The following MOSPD3 variants were observed in gnomAD, a reference collection of about 807,000 sequenced individuals.
MOSPD3 encodes the protein motile sperm domain containing 3.
In MOSPD3, 20 loss-of-function variants were observed where a neutral mutation model predicts 23.3. The observed-to-expected ratio is 0.86, with a 90% CI of 0.61 to 1.25. The LOEUF is 1.25. Among genes scored for constraint, MOSPD3 ranks in the 50% most tolerant of loss-of-function variants. The pLI is 0.00. For missense variants in MOSPD3, 307 were observed against 315.7 expected (o/e 0.97, Z 0.21); for synonymous variants, 136 against 135.2 (o/e 1.01, Z -0.04).
At position 100,613,526 on chromosome 7, in the gene MOSPD3, C is replaced by G; in HGVS notation, c.331C>G (p.Arg111Gly). The G allele has an allele frequency of 6.2e-7, 1 of 1,614,184 alleles. No individual in the cohort carries two copies. Among genetic ancestry groups the G allele is most frequent in the Non-Finnish European group, 8.5e-7 (1 of 1,180,032 alleles). Residue 111 changes from arginine to glycine, a missense_variant, in exon 3 of 5, where the codon CGC (arginine) becomes GGC (glycine). Coordinates refer to ENST00000393950, the MANE Select transcript of MOSPD3 (RefSeq NM_023948.5). The part of the protein sequence containing the change: ...PIPSHYDVQD[R>G]FRIELSEEGA... ...TCCCAGCCACTATGATGTCCAGGAC[C>G]GCTTCCGCATTGAGCTGTCTGAGGA...
rs770042148 is a variant in MOSPD3, at chr7:100,613,471, G to A, written c.282-6G>A. On this transcript the variant is annotated splice_region_variant and splice_polypyrimidine_tract_variant and intron_variant, in intron 2 of 4. Transcript: ENST00000393950. ...CCAATGGGCTTCTCTCCTACCTTGGGACCAGTGTGATTCGCCATGTGGCAC... is the reference window on the plus strand; with the variant it reads ...CCAATGGGCTTCTCTCCTACCTTGGAACCAGTGTGATTCGCCATGTGGCAC... The A allele has an allele frequency of 1.2e-6, 2 of 1,614,026 alleles. No individual in the cohort carries two copies. The highest frequency in any genetic ancestry group is 2.2e-5 in the South Asian group (2 of 91,070).
chr7:100,612,774 C>A lies in MOSPD3; in HGVS notation c.-18C>A. The A allele has an allele frequency of 6.4e-7, 1 of 1,553,652 alleles. No homozygotes were observed. On this transcript the variant is annotated 5_prime_UTR_variant, in exon 1 of 5. Coordinates refer to ENST00000393950, the MANE Select transcript of MOSPD3 (RefSeq NM_023948.5). ...CCCCTGAGCTCTGCCCTCGGATGTCCGACCGCCCAGAGCCTGCATGCGCCG... is the reference window on the plus strand; with the variant it reads ...CCCCTGAGCTCTGCCCTCGGATGTCAGACCGCCCAGAGCCTGCATGCGCCG...
intron 3 of MOSPD3, 36 bp from the exon 4 acceptor site, chr7:100,614,831 T>A: frequency 1.9e-6 from 3 of 1,586,786 alleles, no homozygotes; most frequent in Non-Finnish European, 2.6e-6. Flanking sequence ...TGGGCAGGAG[T>A]GGGGGCTGCA....
At position 100,615,333 on chromosome 7, in the gene MOSPD3, GTAC is replaced by G. The variant is rs1162823136; in HGVS notation, c.*152_*154del. 8 of 642,750 alleles carry G rather than the reference GTAC, an allele frequency of 1.2e-5. No homozygotes were observed. Among genetic ancestry groups the G allele is most frequent in the Admixed American group, 3.3e-5 (1 of 30,094 alleles). The allele number at this position is 642,750 out of a possible 1,614,324, so 39.8% of individuals were successfully genotyped here. A position where few individuals can be genotyped will look rare whatever the true frequency, so the allele number is the denominator to read the frequency against. On this transcript the variant is annotated 3_prime_UTR_variant, in exon 5 of 5. Transcript: ENST00000393950. ...CCTGACAAAAAACACCCAGGGATTT[GTAC>G]TCATTTTCCAAGTTGAATAAAATAC...
At chr7:100,614,172 A>G (rs561536663) in intron 3 of MOSPD3, among the ~76,000 whole-genome samples, 10 of 152,308 alleles carry the variant, frequency 6.6e-5, no homozygotes, top group Admixed American at 5.9e-4. Flanking sequence ...GGAGGGCAGT[A>G]AAAAGTAGAT....
At chr7:100,614,235 G>T (rs1221501065) in intron 3 of MOSPD3, among the ~76,000 whole-genome samples, 2 of 152,032 alleles carry the variant, frequency 1.3e-5, no homozygotes. Flanking sequence ...AGGCTGAGGT[G>T]GGCTGATAAC....
Position 100,615,241 on chromosome 7 carries a change from C to T in MOSPD3, c.*58C>T. 6.5e-7 allele frequency: 1 copy of T among 1,536,570 alleles called. No homozygotes were observed. Among genetic ancestry groups the T allele is most frequent in the Non-Finnish European group, 8.9e-7 (1 of 1,117,946 alleles). On this transcript the variant is annotated 3_prime_UTR_variant, in exon 5 of 5. Coordinates refer to ENST00000393950, the MANE Select transcript of MOSPD3 (RefSeq NM_023948.5). Reference sequence around the variant, plus strand: ...TCCCTGGGCAGGGTCTTGAGGCAGCCACTGTGATGCTCATACCTTACCTTG... The same window carrying T: ...TCCCTGGGCAGGGTCTTGAGGCAGCTACTGTGATGCTCATACCTTACCTTG...
At chr7:100,613,362 T>G in intron 2 of MOSPD3, 93 bp downstream of exon 2, 1 of 1,546,822 alleles carries the variant, frequency 6.5e-7, no homozygotes, top group Admixed American at 1.7e-5. Context: ...CTTTAACCTA[T>G]TTGCCCTATC....
At chr7:100,612,468 G>A (rs1226770793), upstream of MOSPD3, 2 of 229,196 alleles carry the variant, frequency 8.7e-6, no homozygotes, top group Admixed American at 5.4e-5. Context: ...CGGGGCTTAT[G>A]GAGATCGTGA....
intron 3 of MOSPD3, 104 bp from the exon 4 acceptor site, chr7:100,614,763 T>TAA (rs202084428): frequency 3.6e-3 from 3,830 of 1,057,350 alleles, no homozygotes; most frequent in Non-Finnish European, 4.1e-3. Context: ...AAAAGATAAT[T>TAA]AAAAAAAAAA....
Position 100,615,023 on chromosome 7 carries a change from A to C in MOSPD3, c.668A>C (p.Tyr223Ser). 1 of 1,614,184 alleles carries C rather than the reference A, an allele frequency of 6.2e-7. No individual in the cohort carries two copies. Among genetic ancestry groups the C allele is most frequent in the South Asian group, 1.1e-5 (1 of 91,088 alleles). Reference sequence around the variant, plus strand: ...CTGGGACAAAAGTTGGTGGCCGCCTACGTCTTGGGTGAGGACAGTAGTGGC... The same window carrying C: ...CTGGGACAAAAGTTGGTGGCCGCCTCCGTCTTGGGTGAGGACAGTAGTGGC... ...VSLGQKLVAA[Y>S]VLGLLTMVFL... The change falls in exon 4 of 5, where the codon TAC becomes TCC. Residue 223 changes from tyrosine (Y) to serine (S), a missense_variant. Tyr to Ser is a moderately radical substitution (Grantham distance 144, BLOSUM62 -2). Coordinates refer to ENST00000393950, the MANE Select transcript of MOSPD3 (RefSeq NM_023948.5).
In MOSPD3 at chr7:100,614,967, C is replaced by T; in HGVS notation, c.612C>T (p.Gly204=). ...FLLLPLPDEL[G]SQLPQVLHVS... is the part of the protein sequence containing the mutation. ...TGCTCCCACTCCCGGACGAACTCGG[C>T]AGCCAGCTGCCTCAAGTCCTGCACG... Residue 204 remains glycine (G), a synonymous_variant, in exon 4 of 5, where the codon GGC becomes GGT. Transcript: ENST00000393950. 6.2e-7 allele frequency: 1 copy of T among 1,614,092 alleles called. No homozygotes were observed. Among genetic ancestry groups the T allele is most frequent in the Middle Eastern group, 1.6e-4 (1 of 6,062 alleles).
In MOSPD3 at chr7:100,612,852, T is replaced by C. The variant is rs1382946712; in HGVS notation, c.61T>C (p.Ser21Pro). ...GGGTCCGGGGCCCCCTGGGCGGGGG[T>C]CCCGGGGCGCCCCTCCTCCCTTGGG... is the stretch of plus-strand genomic sequence containing the variant. The part of the protein sequence containing the change: ...LVGPGPPGRG[S>P]RGAPPPLGPV... Residue 21 changes from serine (S) to proline (P), a missense_variant, in exon 1 of 5, where the codon TCC (serine) becomes CCC (proline). By Grantham distance (74) the Ser-to-Pro change is moderately conservative. Transcript: ENST00000393950. 6.2e-7 allele frequency: 1 copy of C among 1,610,114 alleles called. No homozygotes were observed. The highest frequency in any genetic ancestry group is 1.1e-5 in the South Asian group (1 of 90,984).
In MOSPD3 at chr7:100,613,208, C is replaced by T. The variant is rs1257360108; in HGVS notation, c.220C>T (p.Pro74Ser). 6.2e-7 allele frequency: 1 copy of T among 1,613,964 alleles called. No individual in the cohort carries two copies. The highest frequency in any genetic ancestry group is 1.3e-5 in the African/African-American group (1 of 74,886). Residue 74 changes from proline to serine, a missense_variant, in exon 2 of 5, where the codon CCT becomes TCT. Pro to Ser is a moderately conservative substitution (Grantham distance 74). Transcript: ENST00000393950. ...CTATCCCCCAGTCCTGTGCACAGCACCTGCCAAATACACGGTGTTTGACGC... is the reference window on the plus strand; with the variant it reads ...CTATCCCCCAGTCCTGTGCACAGCATCTGCCAAATACACGGTGTTTGACGC... ...ALRFRVLCTA[P>S]AKYTVFDAEG...
intron 1 of MOSPD3, 44 bp from the exon 2 acceptor site, chr7:100,613,150 G>GACCC (rs1802881356): frequency 6.2e-7 from 1 of 1,604,960 alleles, no homozygotes; most frequent in Non-Finnish European, 8.5e-7. Flanking sequence ...GGACTTAAAT[G>GACCC]ACCCACATGG....
In MOSPD3 at chr7:100,614,916, G is replaced by C. The variant is rs565696772; in HGVS notation, c.561G>C (p.Thr187=). The change falls in exon 4 of 5, where the codon ACG becomes ACC. Residue 187 remains threonine, a synonymous_variant. Coordinates refer to ENST00000393950, the MANE Select transcript of MOSPD3 (RefSeq NM_023948.5). ...ATSSFLLFLL[T]GIVSVAFLLL... ...GCTCCTTCCTCCTCTTCTTGCTGAC[G>C]GGGATTGTGTCTGTGGCCTTCCTGC... 6.2e-7 allele frequency: 1 copy of C among 1,614,112 alleles called. No homozygotes were observed. The highest frequency in any genetic ancestry group is 8.5e-7 in the Non-Finnish European group (1 of 1,180,012).
At chr7:100,614,229 T>C (rs1802923818) in intron 3 of MOSPD3, among the ~76,000 whole-genome samples, 1 of 151,988 alleles carries the variant, frequency 6.6e-6, no homozygotes, top group Non-Finnish European at 1.5e-5. Flanking sequence ...TTTGGGAGGC[T>C]GAGGTGGGCT....
chr7:100,615,012 GGT>G lies in MOSPD3; in HGVS notation c.659_660del (p.Val220GlyfsTer38). On this transcript the variant is annotated frameshift_variant, in exon 4 of 5. Coordinates refer to ENST00000393950, the MANE Select transcript of MOSPD3 (RefSeq NM_023948.5). LOFTEE classifies it high-confidence loss of function. The stretch of plus-strand genomic sequence containing the variant: ...TGCACGTCTCCCTGGGACAAAAGTT[GGT>G]GGCCGCCTACGTCTTGGGTGAGGAC... ...VLHVSLGQKL[V>X]AAYVLGLLTM... 1 of 1,614,172 alleles carries G rather than the reference GGT, an allele frequency of 6.2e-7. No homozygotes were observed. Among genetic ancestry groups the G allele is most frequent in the Non-Finnish European group, 8.5e-7 (1 of 1,180,002 alleles).
intron 3 of MOSPD3, 133 bp downstream of exon 3, chr7:100,613,839 GTTGAGAT>G (rs1802911804): frequency 4.9e-6 from 4 of 818,738 alleles, no homozygotes; most frequent in Admixed American, 5.3e-5. Context: ...ATTCCTCCGA[GTTGAGAT>G]TTTATATCAG....
Sources: allele counts gnomAD v4.1 joint callset (sites outside exome capture counted in the v4.1 genomes callset), GRCh38; gene constraint gnomAD v4.1.1; transcripts MANE v1.5; gene names NCBI Gene and HGNC (gene_info 2026-07-23, HGNC 2026-07-21).